The following UBXN8 variants were observed in gnomAD, a reference collection of about 807,000 sequenced individuals.
UBXN8 encodes UBX domain-containing protein 8.
A neutral mutation model predicts 32.1 loss-of-function variants in UBXN8; 27 were observed. The observed-to-expected ratio is 0.84, with a 90% CI of 0.62 to 1.16. The LOEUF is 1.16. UBXN8 is among the 50% of genes most tolerant of loss of function. The pLI is 0.00. For missense variants in UBXN8, 306 were observed against 311.4 expected, an observed-to-expected ratio of 0.98 and a Z score of 0.13; for synonymous variants, 109 against 111.8, an observed-to-expected ratio of 0.98 and a Z score of 0.16.
chr8:30,763,559 T>C (rs771101959), intron 7 of UBXN8, among the ~76,000 whole-genome samples: 28 of 152,370 alleles, frequency 1.8e-4, no homozygotes, highest in Non-Finnish European at 2.2e-4. Context: ...GCATTCACAT[T>C]TTACTCATTC....
chr8:30,739,439 G>A (rs1805148762), upstream of UBXN8, among the ~76,000 whole-genome samples: 1 of 152,182 alleles, frequency 6.6e-6, no homozygotes, highest in African/African-American at 2.4e-5. Context: ...AGCTACTCGG[G>A]AGGCTGAGGA....
intron 5 of UBXN8, among the ~76,000 whole-genome samples, chr8:30,760,445 T>TA (rs59139295): frequency 0.028 from 873 of 31,096 alleles, 5 homozygotes; most frequent in East Asian, 0.11. Context: ...ATATATATAT[T>TA]TTTTTTTTTT....
At chr8:30,755,633 G>A (rs1292115602) in intron 4 of UBXN8, among the ~76,000 whole-genome samples, 2 of 151,672 alleles carry the variant, frequency 1.3e-5, no homozygotes, top group Non-Finnish European at 2.9e-5. Flanking sequence ...GTGTGTGGCT[G>A]TAGTCTCAGC....
rs778267844 is a variant in UBXN8, at chr8:30,766,295, C to T, written c.714C>T (p.Pro238=). The T allele has an allele frequency of 6.2e-7, 1 of 1,613,868 alleles. No homozygotes were observed. ...TATACAGCCTTTCTACTTCCTTTCC[C>T]AGACGGCCTCTGGCAGTGGAGGGAG... is the stretch of plus-strand genomic sequence containing the variant. ...ISLYSLSTSF[P]RRPLAVEGGQ... is the part of the protein sequence containing the mutation. The change falls in exon 8 of 8, where the codon CCC becomes CCT. Residue 238 remains proline (P), a synonymous_variant. Transcript: ENST00000265616.
chr8:30,750,149 T>C (rs893214724), intron 1 of UBXN8, among the ~76,000 whole-genome samples: 3 of 152,018 alleles, frequency 2.0e-5, no homozygotes, highest in East Asian at 1.9e-4. Flanking sequence ...GAGTTCCACA[T>C]TGAGCATTTA....
At chr8:30,741,245 G>C (rs1477535619), upstream of UBXN8, among the ~76,000 whole-genome samples, 2 of 152,000 alleles carry the variant, frequency 1.3e-5, no homozygotes, top group African/African-American at 4.8e-5. Context: ...AGTTAGCCAG[G>C]CATGGTGACA....
At chr8:30,749,519 C>A (rs1805461438) in intron 1 of UBXN8, among the ~76,000 whole-genome samples, 1 of 151,840 alleles carries the variant, frequency 6.6e-6, no homozygotes, top group South Asian at 2.1e-4. Flanking sequence ...TAAAGAAGCA[C>A]ACAGTTGCAC....
intron 1 of UBXN8, among the ~76,000 whole-genome samples, chr8:30,737,133 T>C (rs769563435): frequency 3.3e-4 from 51 of 152,256 alleles, no homozygotes; most frequent in Non-Finnish European, 6.6e-4. Flanking sequence ...CATTTTTCCT[T>C]GTTGACATAT....
At chr8:30,732,280 T>G (rs1198606369), upstream of UBXN8, 2 of 397,518 alleles carry the variant, frequency 5.0e-6, no homozygotes, top group Non-Finnish European at 4.4e-6. Flanking sequence ...GGCAGTCGGG[T>G]GCGCCAAGAG....
intron 1 of UBXN8, among the ~76,000 whole-genome samples, chr8:30,749,755 G>A (rs192838707): frequency 1.6e-3 from 250 of 151,910 alleles, no homozygotes; most frequent in Admixed American, 7.2e-3. Flanking sequence ...ACAGGTACCC[G>A]CCACCGCGCC....
chr8:30,752,665 T>C (rs569604099), intron 2 of UBXN8, among the ~76,000 whole-genome samples: 3 of 152,254 alleles, frequency 2.0e-5, no homozygotes, highest in South Asian at 2.1e-4. Flanking sequence ...TTTAAAATAA[T>C]ATTGTACTTA....
In UBXN8 at chr8:30,744,168, T is replaced by C; in HGVS notation, c.-22T>C. On this transcript the variant is annotated 5_prime_UTR_variant, in exon 1 of 8. Coordinates refer to ENST00000265616, the MANE Select transcript of UBXN8 (RefSeq NM_005671.4). Reference sequence around the variant, plus strand: ...GGCCGGAAGGGGCGGGCTTTCCGCCTGCACCAGGCGCTTCCGCCACCATGG... The same window carrying C: ...GGCCGGAAGGGGCGGGCTTTCCGCCCGCACCAGGCGCTTCCGCCACCATGG... The C allele has an allele frequency of 6.2e-7, 1 of 1,608,380 alleles. No homozygotes were observed. The highest frequency in any genetic ancestry group is 8.5e-7 in the Non-Finnish European group (1 of 1,177,392).
chr8:30,758,900 T>TTTTTTTTTTTTTTTTTTTTTTTTTTTG (rs1554578741), intron 5 of UBXN8, among the ~76,000 whole-genome samples: 11 of 122,028 alleles, frequency 9.0e-5, no homozygotes, highest in Admixed American at 2.7e-4. Flanking sequence ...TTTTGTTTTT[T>TTTTTTTTTTTTTTTTTTTTTTTTTTTG]TTTTTTTTTT....
intron 1 of UBXN8, among the ~76,000 whole-genome samples, chr8:30,745,906 G>A (rs909853853): frequency 2.6e-5 from 4 of 152,124 alleles, no homozygotes; most frequent in African/African-American, 9.7e-5. Flanking sequence ...ACACCACCAT[G>A]CCTTGCTTAT....
upstream of UBXN8, among the ~76,000 whole-genome samples, chr8:30,743,728 C>G (rs561037375): frequency 6.6e-6 from 1 of 152,218 alleles, no homozygotes; most frequent in Non-Finnish European, 1.5e-5. Context: ...AGACTGCGGA[C>G]GGGGCCAGGA....
At chr8:30,758,900 T>G (rs55964766) in intron 5 of UBXN8, among the ~76,000 whole-genome samples, 80,507 of 121,790 alleles carry the variant, frequency 0.66, 27,049 homozygotes, top group East Asian at 0.79. Context: ...TTTTGTTTTT[T>G]TTTTTTTTTT....
chr8:30,744,469 GT>G (rs1805307799), intron 1 of UBXN8, 192 bp downstream of exon 1: 3 of 624,750 alleles, frequency 4.8e-6, no homozygotes, highest in Non-Finnish European at 5.7e-6. Flanking sequence ...AGGTGTGATG[GT>G]TTTACGTGTA....
upstream of UBXN8, among the ~76,000 whole-genome samples, chr8:30,743,810 G>A (rs1805275220): frequency 6.6e-6 from 1 of 152,202 alleles, no homozygotes; most frequent in Admixed American, 6.5e-5. Context: ...AAGGCCGGGG[G>A]GCCCAGGCTG....
At chr8:30,742,538 A>G (rs1334409272), upstream of UBXN8, among the ~76,000 whole-genome samples, 1 of 151,542 alleles carries the variant, frequency 6.6e-6, no homozygotes. Flanking sequence ...AGACAGGTTT[A>G]GCTATGTTGC....
Sources: gnomAD v4.1 joint callset for allele counts (sites outside exome capture counted in the v4.1 genomes callset) on GRCh38, gnomAD v4.1.1 for gene constraint, MANE v1.5 for transcripts, NCBI Gene and HGNC (gene_info 2026-07-23, HGNC 2026-07-21) for gene names.